Variants in CEP83 observed in about 807,000 individuals in gnomAD.
CEP83 encodes centrosomal protein 83.
A neutral mutation model predicts 101.9 loss-of-function variants in CEP83; 70 were observed. The observed-to-expected ratio is 0.69, with a 90% CI of 0.57 to 0.84. The LOEUF is 0.84. CEP83 is among the 40% of genes least tolerant of loss of function. CEP83 has a pLI of 0.00. For synonymous variants in CEP83, 264 were observed against 267.9 expected, an observed-to-expected ratio of 0.99 and a Z score of 0.14; for missense variants, 715 against 787.2, an observed-to-expected ratio of 0.91 and a Z score of 1.10.
At chr12:94,375,359 C>G (rs1207989511) in intron 8 of CEP83, among the ~76,000 whole-genome samples, 1 of 152,104 alleles carries the variant, frequency 6.6e-6, no homozygotes, top group African/African-American at 2.4e-5. Context: ...GAGCCAAACT[C>G]AGACAAGTGC....
chr12:94,367,949 A>G lies in CEP83; in HGVS notation c.1194-6T>C, dbSNP rs1278309967. The G allele has an allele frequency of 3.1e-6, 5 of 1,611,358 alleles. No individual in the cohort carries two copies. Among genetic ancestry groups the G allele is most frequent in the Non-Finnish European group, 4.2e-6 (5 of 1,178,772 alleles). On this transcript the variant is annotated splice_region_variant and splice_polypyrimidine_tract_variant and intron_variant, in intron 10 of 16. Transcript: ENST00000397809. ...ATCTGTTCTCGAGTTCTAACCTAAA[A>G]CAAGAGATCATAATTATGTTACAAG...
chr12:94,328,625 A>C (rs545299944), intron 14 of CEP83, among the ~76,000 whole-genome samples: 1 of 151,856 alleles, frequency 6.6e-6, no homozygotes, highest in East Asian at 2.0e-4. Flanking sequence ...GATAGCCAAA[A>C]TGGTCAAATA....
chr12:94,370,437 G>A (rs1352783101), intron 8 of CEP83, among the ~76,000 whole-genome samples: 2 of 152,158 alleles, frequency 1.3e-5, no homozygotes, highest in Non-Finnish European at 2.9e-5. Context: ...GCAGTGGCAC[G>A]ATCATAGCTC....
At chr12:94,306,378 T>C (rs1325060557), downstream of CEP83, 2 of 152,236 alleles carry the variant, frequency 1.3e-5, no homozygotes, top group African/African-American at 4.8e-5. Flanking sequence ...AAAGTATTCC[T>C]CGCAGGAGAA....
chr12:94,270,259 C>T, the CEP83 span, among the ~76,000 whole-genome samples: 3 of 152,214 alleles, frequency 2.0e-5, no homozygotes, highest in East Asian at 5.8e-4. Context: ...AATGTGGCCC[C>T]TCTGCCTATT....
intron 9 of CEP83, chr12:94,369,135 A>T (rs1196616388): frequency 6.6e-6 from 1 of 152,228 alleles, no homozygotes; most frequent in Non-Finnish European, 1.5e-5. Flanking sequence ...GATGAGACAG[A>T]TGTTCCAAGA....
chr12:94,337,987 G>C (rs2059522887), intron 11 of CEP83, among the ~76,000 whole-genome samples: 1 of 152,148 alleles, frequency 6.6e-6, no homozygotes, highest in Non-Finnish European at 1.5e-5. Flanking sequence ...AAGCAAGGGA[G>C]CCAGGTTAAT....
chr12:94,335,686 A>C, intron 11 of CEP83, 22 bp from the exon 12 acceptor site: 1 of 1,460,156 alleles, frequency 6.8e-7, no homozygotes, highest in Non-Finnish European at 9.4e-7. Flanking sequence ...AACCCAACAA[A>C]AGGCATTATT....
At chr12:94,362,439 G>A (rs2060814597) in intron 11 of CEP83, among the ~76,000 whole-genome samples, 1 of 152,170 alleles carries the variant, frequency 6.6e-6, no homozygotes, top group African/African-American at 2.4e-5. Context: ...GGCCAACACA[G>A]TGAAACCCCG....
chr12:94,314,181 A>C (rs1970308126), intron 14 of CEP83, among the ~76,000 whole-genome samples: 2 of 152,192 alleles, frequency 1.3e-5, no homozygotes, highest in Admixed American at 1.3e-4. Context: ...GTTAAAACTC[A>C]TTTAGTCGCT....
upstream of CEP83, chr12:94,460,373 C>T (rs2068056066): frequency 6.5e-6 from 1 of 152,914 alleles, no homozygotes; most frequent in African/African-American, 2.4e-5. Flanking sequence ...CTTCGCCAGC[C>T]TGCCATCGTC....
intron 11 of CEP83, among the ~76,000 whole-genome samples, chr12:94,365,257 C>T (rs940738771): frequency 1.3e-4 from 20 of 152,128 alleles, no homozygotes; most frequent in Admixed American, 5.2e-4. Context: ...ACACATGGAA[C>T]ATTGTTCAAT....
intron 11 of CEP83, among the ~76,000 whole-genome samples, chr12:94,360,824 GCTAT>G (rs2060716957): frequency 6.6e-6 from 1 of 152,108 alleles, no homozygotes; most frequent in Non-Finnish European, 1.5e-5. Flanking sequence ...CAAAGTTGGA[GCTAT>G]CTATCACACT....
At chr12:94,453,547 G>A (rs1365923090) in intron 1 of CEP83, among the ~76,000 whole-genome samples, 1 of 152,124 alleles carries the variant, frequency 6.6e-6, no homozygotes, top group Non-Finnish European at 1.5e-5. Flanking sequence ...CAGAGAATAA[G>A]GTGCTTGAGA....
chr12:94,313,436 G>A (rs932406688), intron 14 of CEP83, among the ~76,000 whole-genome samples: 12 of 151,118 alleles, frequency 7.9e-5, no homozygotes, highest in African/African-American at 2.9e-4. Flanking sequence ...TTGGGAGGCT[G>A]AGGCAGGAGG....
intron 1 of CEP83, among the ~76,000 whole-genome samples, chr12:94,437,354 C>T (rs536600999): frequency 1.1e-4 from 17 of 152,088 alleles, no homozygotes; most frequent in Admixed American, 3.3e-4. Flanking sequence ...AAAACACATA[C>T]ACACACACAA....
At chr12:94,419,677 C>T (rs11831905) in intron 2 of CEP83, among the ~76,000 whole-genome samples, 23,357 of 151,964 alleles carry the variant, frequency 0.15, 1,952 homozygotes, top group African/African-American at 0.23. Flanking sequence ...TAAAACAGGA[C>T]ACAGCCCATA....
intron 1 of CEP83, among the ~76,000 whole-genome samples, chr12:94,443,036 T>G (rs2066525619): frequency 6.6e-6 from 1 of 152,198 alleles, no homozygotes; most frequent in African/African-American, 2.4e-5. Flanking sequence ...ATCTTTCTCA[T>G]ACATTGCCTT....
At chr12:94,309,885 C>CT (rs538847921) in intron 16 of CEP83, 33 bp downstream of exon 16, 796 of 1,308,098 alleles carry the variant, frequency 6.1e-4, no homozygotes, top group South Asian at 1.3e-3. Context: ...AAATGTACGA[C>CT]TTTTTTTTTC....
Sources: gnomAD v4.1 joint callset for allele counts (sites outside exome capture counted in the v4.1 genomes callset) on GRCh38, gnomAD v4.1.1 for gene constraint, MANE v1.5 for transcripts, NCBI Gene and HGNC (gene_info 2026-07-23, HGNC 2026-07-21) for gene names.